The following FOXK2 variants were observed in gnomAD, a reference collection of about 807,000 sequenced individuals.
The protein encoded by FOXK2 is forkhead box K2.
In FOXK2, 24 loss-of-function variants were observed where a neutral mutation model predicts 53.3. The ratio of observed to expected loss-of-function variants is 0.45; its 90% confidence interval spans 0.33 to 0.63. The LOEUF (loss-of-function observed/expected upper bound fraction) is 0.63. FOXK2 is among the 30% of genes least tolerant of loss of function. The pLI, the probability that FOXK2 is intolerant of heterozygous loss-of-function variation, is 0.03. For synonymous variants in FOXK2, 505 were observed against 407.1 expected (o/e 1.24, Z -2.89); for missense variants, 952 against 910.5 (o/e 1.05, Z -0.59).
chr17:82,597,939 C>T (rs764727290), intron 8 of FOXK2, among the ~76,000 whole-genome samples: 5 of 152,118 alleles, frequency 3.3e-5, no homozygotes, highest in Admixed American at 6.5e-5. Context: ...CGTGAGCCAC[C>T]GCGCCCGGCC....
Position 82,601,351 on chromosome 17 carries a change from C to T in FOXK2, c.1835C>T (p.Ala612Val). The change falls in exon 9 of 9, where the codon GCC (alanine) becomes GTC (valine). Residue 612 changes from alanine to valine, a missense_variant. Physicochemically the swap from Ala to Val is moderately conservative, Grantham distance 64. This residue lies in a region of FOXK2 where 551 missense variants were observed against 385.1 expected (regional missense o/e 1.43). Coordinates refer to ENST00000335255, the MANE Select transcript of FOXK2 (RefSeq NM_004514.4). ...TTGGCAACACACGCATCCGCATCGG[C>T]CTCCCTGCCCACAAAGCGCCACAAC... Reference protein sequence around the residue: ...HMLATHASASASLPTKRHNGD... With the variant: ...HMLATHASASVSLPTKRHNGD... 1.9e-6 allele frequency: 3 copies of T among 1,613,354 alleles called. No individual in the cohort carries two copies. Among genetic ancestry groups the T allele is most frequent in the Middle Eastern group, 1.8e-4 (1 of 5,508 alleles).
At chr17:82,564,128 C>A (rs1248850078) in intron 2 of FOXK2, among the ~76,000 whole-genome samples, 1 of 147,810 alleles carries the variant, frequency 6.8e-6, no homozygotes, top group African/African-American at 2.5e-5. Flanking sequence ...TGCACTGTTC[C>A]CCAGGCTGGA....
intron 1 of FOXK2, among the ~76,000 whole-genome samples, chr17:82,526,993 A>G (rs994134543): frequency 7.2e-5 from 11 of 152,202 alleles, no homozygotes; most frequent in Admixed American, 2.0e-4. Context: ...GCTACTAGGA[A>G]AGTCTGGTGT....
chr17:82,577,240 A>C, intron 4 of FOXK2: 1 of 1,263,646 alleles, frequency 7.9e-7, no homozygotes, highest in East Asian at 2.4e-5. Flanking sequence ...CCGTGTCTTC[A>C]AACTCCAGGT....
At chr17:82,576,840 G>C in intron 4 of FOXK2, 1 of 548,258 alleles carries the variant, frequency 1.8e-6, no homozygotes, top group Non-Finnish European at 3.3e-6. Context: ...TCCAGCAGCT[G>C]TTCTTCAATA....
Position 82,520,128 on chromosome 17 carries a change from C to T in FOXK2, c.240C>T (p.Leu80=). 2.0e-6 allele frequency: 3 copies of T among 1,534,506 alleles called. No homozygotes were observed. The highest frequency in any genetic ancestry group is 2.7e-5 in the East Asian group (1 of 36,968). Residue 80 remains leucine, a synonymous_variant, in exon 1 of 9, where the codon CTC becomes CTT. Coordinates refer to ENST00000335255, the MANE Select transcript of FOXK2 (RefSeq NM_004514.4). ...GHSSFISRRH[L]EIFTPPGGGG... is the part of the protein sequence containing the mutation. ...CGAGCTTCATCTCCCGGCGCCACCTCGAGATCTTCACGCCCCCGGGCGGCG... is the reference window on the plus strand; with the variant it reads ...CGAGCTTCATCTCCCGGCGCCACCTTGAGATCTTCACGCCCCCGGGCGGCG...
chr17:82,551,719 G>A (rs998463412), intron 1 of FOXK2, among the ~76,000 whole-genome samples: 3 of 152,144 alleles, frequency 2.0e-5, no homozygotes, highest in Non-Finnish European at 2.9e-5. Context: ...AGGCTGAGGT[G>A]ATAGTTGCTG....
At chr17:82,575,087 A>G (rs2044967071) in intron 4 of FOXK2, among the ~76,000 whole-genome samples, 2 of 152,220 alleles carry the variant, frequency 1.3e-5, no homozygotes, top group Admixed American at 6.5e-5. Context: ...TTGAACTACT[A>G]TGCTTTTTCT....
intron 1 of FOXK2, among the ~76,000 whole-genome samples, chr17:82,545,581 T>G (rs993944103): frequency 3.2e-5 from 3 of 94,964 alleles, no homozygotes; most frequent in Non-Finnish European, 7.2e-5. Context: ...GTTGGAAGGC[T>G]TTTTTTTTTT....
In FOXK2 at chr17:82,544,022, C is replaced by A. The variant is rs550982721; in HGVS notation, c.420-19332C>A. On this transcript the variant is annotated intron_variant, in intron 1 of 8. Coordinates refer to ENST00000335255, the MANE Select transcript of FOXK2 (RefSeq NM_004514.4). ...CAATCTCCTGACCTCGTGATCCGCCCGCCTCAGCCTCCCAAAGTGCTCGGA... is the reference window on the plus strand; with the variant it reads ...CAATCTCCTGACCTCGTGATCCGCCAGCCTCAGCCTCCCAAAGTGCTCGGA... 2.0e-5 allele frequency among the ~76,000 whole-genome samples: 3 copies of A among 152,148 alleles called. No homozygotes were observed. The South Asian group carries it at 6.2e-4, about 32-fold the overall frequency.
At chr17:82,574,228 T>G (rs552271366) in intron 4 of FOXK2, among the ~76,000 whole-genome samples, 1 of 152,206 alleles carries the variant, frequency 6.6e-6, no homozygotes, top group Non-Finnish European at 1.5e-5. Context: ...AGGCCACTCC[T>G]GTGTCATTTC....
rs563165054 is a variant in FOXK2 at position 82,550,098 on chromosome 17, C to T, written c.420-13256C>T. ...CCTGTAGTCCCAGCTATTCAGGAGG[C>T]TGAGGCGGGAGGATTGCTTCAGCCT... On this transcript the variant is annotated intron_variant, in intron 1 of 8. Transcript: ENST00000335255. Among the ~76,000 whole-genome samples, 5 of 152,264 alleles carry T rather than the reference C, an allele frequency of 3.3e-5. 1 individual carries two copies. The highest frequency in any genetic ancestry group is 1.2e-4 in the African/African-American group (5 of 41,556).
At chr17:82,534,362 C>T (rs920091736) in intron 1 of FOXK2, among the ~76,000 whole-genome samples, 4 of 152,172 alleles carry the variant, frequency 2.6e-5, no homozygotes, top group African/African-American at 9.7e-5. Flanking sequence ...TGTCAGGGCA[C>T]ATGACTTGTC....
intron 1 of FOXK2, among the ~76,000 whole-genome samples, chr17:82,552,495 A>G: frequency 6.6e-6 from 1 of 152,044 alleles, no homozygotes; most frequent in South Asian, 2.1e-4. Flanking sequence ...TGTCACACTG[A>G]ACCCTCCTGT....
chr17:82,552,192 GT>G (rs924888063), intron 1 of FOXK2, among the ~76,000 whole-genome samples: 2 of 152,222 alleles, frequency 1.3e-5, no homozygotes, highest in Non-Finnish European at 2.9e-5. Context: ...GCTTACAAAT[GT>G]TTTTCTTTTT....
At chr17:82,527,459 A>G (rs1261979326) in intron 1 of FOXK2, among the ~76,000 whole-genome samples, 3 of 151,650 alleles carry the variant, frequency 2.0e-5, no homozygotes, top group Admixed American at 2.0e-4. Flanking sequence ...CGAAACTCCG[A>G]CTCTACTAAA....
At chr17:82,596,159 TCA>T (rs1310731179) in intron 8 of FOXK2, 2 of 1,023,862 alleles carry the variant, frequency 2.0e-6, no homozygotes, top group African/African-American at 3.5e-5. Flanking sequence ...TCTGAGGTGG[TCA>T]CGGGGTTTGC....
At chr17:82,524,517 A>C (rs922498320) in intron 1 of FOXK2, among the ~76,000 whole-genome samples, 1 of 152,144 alleles carries the variant, frequency 6.6e-6, no homozygotes, top group Non-Finnish European at 1.5e-5. Context: ...TAAGATGTGG[A>C]TCCAAGTACT....
intron 4 of FOXK2, chr17:82,577,265 T>A (rs12453001): frequency 0.68 from 870,338 of 1,277,292 alleles, 297,904 homozygotes; most frequent in South Asian, 0.79. Flanking sequence ...CTTGTCCATG[T>A]AATTTCTCTG....
Sources: allele counts gnomAD v4.1 joint callset (sites outside exome capture counted in the v4.1 genomes callset), GRCh38; gene constraint gnomAD v4.1.1; regional missense constraint gnomAD v4.1.1; transcripts MANE v1.5; gene names NCBI Gene and HGNC (gene_info 2026-07-23, HGNC 2026-07-21).